The following PPL variants were observed in gnomAD, a reference collection of about 807,000 sequenced individuals.
The protein encoded by PPL is periplakin.
In PPL, 198 loss-of-function variants were observed where a neutral mutation model predicts 194.4. The observed-to-expected ratio is 1.02, with a 90% CI of 0.91 to 1.15. PPL has a LOEUF of 1.15. Among genes scored for constraint, PPL ranks in the 50% most tolerant of loss-of-function variants. The probability of loss-of-function intolerance (pLI) is 0.00; values close to 1 mark genes in which losing one functional copy is unlikely to be tolerated. For missense variants in PPL, 2,885 were observed against 2,294.8 expected, an observed-to-expected ratio of 1.26 and a Z score of -5.25; for synonymous variants, 1,220 against 972.4, an observed-to-expected ratio of 1.25 and a Z score of -4.74.
chr16:4,916,337 G>A (rs183838902), intron 1 of PPL, among the ~76,000 whole-genome samples: 5 of 151,830 alleles, frequency 3.3e-5, no homozygotes, highest in African/African-American at 4.8e-5. Context: ...TCAGCCTCCC[G>A]AGTAGCTAGG....
At chr16:4,892,594 T>C (rs1181962893) in intron 14 of PPL, among the ~76,000 whole-genome samples, 1 of 152,090 alleles carries the variant, frequency 6.6e-6, no homozygotes, top group East Asian at 1.9e-4. Flanking sequence ...AAGGGACTTG[T>C]GGGGTCAGGC....
intron 6 of PPL, among the ~76,000 whole-genome samples, chr16:4,899,799 T>C (rs2088519816): frequency 6.6e-6 from 1 of 152,174 alleles, no homozygotes; most frequent in Admixed American, 6.5e-5. Flanking sequence ...TCAACAAATA[T>C]CAGTAACTAT....
At chr16:4,927,394 A>G (rs2089173186) in intron 1 of PPL, among the ~76,000 whole-genome samples, 1 of 152,260 alleles carries the variant, frequency 6.6e-6, no homozygotes, top group African/African-American at 2.4e-5. Context: ...ACCCATGTCC[A>G]TGGAGATTTT....
At chr16:4,909,630 T>G (rs947368646) in intron 2 of PPL, among the ~76,000 whole-genome samples, 2 of 151,924 alleles carry the variant, frequency 1.3e-5, no homozygotes, top group African/African-American at 4.8e-5. Context: ...TTTCACCACA[T>G]TGGCCAGTCT....
At chr16:4,901,144 G>A (rs1419876360) in intron 4 of PPL, 55 bp from the exon 5 acceptor site, 11 of 1,595,132 alleles carry the variant, frequency 6.9e-6, no homozygotes, top group African/African-American at 2.7e-5. Context: ...GGCTGGGGAC[G>A]TGTGGCCACC....
chr16:4,882,556 A>C lies in PPL; in HGVS notation c.*828T>G, dbSNP rs1243579666. 6.6e-6 allele frequency: 1 copy of C among 152,238 alleles called. No individual in the cohort carries two copies. The highest frequency in any genetic ancestry group is 1.5e-5 in the Non-Finnish European group (1 of 68,042). 9.4% of individuals were successfully genotyped at this position (152,238 alleles called of 1,614,324 possible). On this transcript the variant is annotated 3_prime_UTR_variant, in exon 22 of 22. Coordinates refer to ENST00000345988, the MANE Select transcript of PPL (RefSeq NM_002705.5). Reference sequence around the variant, plus strand: ...CCAGGTTTATTTTCATGCTATAAATAAATTTCCCTATTAGTTCCCATTTTC... The same window carrying C: ...CCAGGTTTATTTTCATGCTATAAATCAATTTCCCTATTAGTTCCCATTTTC...
At chr16:4,905,747 G>C (rs777395704) in intron 2 of PPL, among the ~76,000 whole-genome samples, 9 of 152,176 alleles carry the variant, frequency 5.9e-5, no homozygotes, top group Non-Finnish European at 1.2e-4. Flanking sequence ...GGCTAAGTCT[G>C]GAAGGGCTGA....
chr16:4,899,143 G>A, intron 7 of PPL, 23 bp from the exon 8 acceptor site: 1 of 1,613,234 alleles, frequency 6.2e-7, no homozygotes, highest in South Asian at 1.1e-5. Flanking sequence ...GCAGTGGAGG[G>A]GCCTCAGTGC....
chr16:4,928,143 C>A (rs2089182958), intron 1 of PPL, among the ~76,000 whole-genome samples: 1 of 152,210 alleles, frequency 6.6e-6, no homozygotes, highest in Non-Finnish European at 1.5e-5. Context: ...AGAGCACCAG[C>A]CTCCTTTTTC....
intron 2 of PPL, 149 bp from the exon 3 acceptor site, chr16:4,904,189 T>A: frequency 1.2e-6 from 1 of 821,452 alleles, no homozygotes; most frequent in Non-Finnish European, 1.9e-6. Flanking sequence ...TGGAGCGCAG[T>A]CGGTAGTTCC....
At chr16:4,920,588 G>A (rs566724795) in intron 1 of PPL, among the ~76,000 whole-genome samples, 1 of 151,946 alleles carries the variant, frequency 6.6e-6, no homozygotes, top group Admixed American at 6.6e-5. Context: ...TCAGCCTCCC[G>A]AGTAGCTGGG....
At chr16:4,888,359 C>T (rs1596545049) in intron 19 of PPL, 141 bp from the exon 20 acceptor site, 1 of 623,290 alleles carries the variant, frequency 1.6e-6, no homozygotes, top group East Asian at 2.7e-5. Flanking sequence ...TTCCTCACAG[C>T]TGCACCCTGC....
At chr16:4,929,255 T>C (rs1348630750) in intron 1 of PPL, among the ~76,000 whole-genome samples, 1 of 152,080 alleles carries the variant, frequency 6.6e-6, no homozygotes, top group Non-Finnish European at 1.5e-5. Context: ...CTCTCCATTT[T>C]TGTCTCCCCA....
At chr16:4,918,523 C>G (rs4785977) in intron 1 of PPL, among the ~76,000 whole-genome samples, 126,792 of 152,084 alleles carry the variant, frequency 0.83, 54,665 homozygotes, top group East Asian at 0.99. Context: ...TAAGTAAGTA[C>G]CATTATTCTC....
chr16:4,890,479 G>A (rs1219472352), intron 17 of PPL, 145 bp from the exon 18 acceptor site: 10 of 1,163,132 alleles, frequency 8.6e-6, no homozygotes, highest in South Asian at 1.6e-5. Flanking sequence ...TGGTCATTAG[G>A]GAACGTCAGG....
At position 4,892,073 on chromosome 16, in the gene PPL, G is replaced by A. The variant is rs754559796; in HGVS notation, c.1791C>T (p.Tyr597=). 20 of 1,613,664 alleles carry A rather than the reference G, an allele frequency of 1.2e-5. No homozygotes were observed. The highest frequency in any genetic ancestry group is 2.2e-5 in the South Asian group (2 of 91,094). Reference sequence around the variant, plus strand: ...AGTCCAGCAGCTGCAGGAGGTGCTCGTATTTCCGGTTGGTGTCCTCCACCC... The same window carrying A: ...AGTCCAGCAGCTGCAGGAGGTGCTCATATTTCCGGTTGGTGTCCTCCACCC... ...RTRVEDTNRK[Y]EHLLQLLDLA... Residue 597 remains tyrosine (Y), a synonymous_variant, in exon 15 of 22, where the codon TAC becomes TAT. Transcript: ENST00000345988.
intron 8 of PPL, 112 bp downstream of exon 8, chr16:4,898,901 G>T: frequency 1.3e-6 from 1 of 773,446 alleles, no homozygotes; most frequent in Non-Finnish European, 2.2e-6. Context: ...GACACAAGAT[G>T]CAGCTTGCAG....
In PPL at chr16:4,883,755, C is replaced by T. The variant is rs753840909; in HGVS notation, c.4900G>A (p.Asp1634Asn). The change falls in exon 22 of 22, where the codon GAC (aspartate) becomes AAC (asparagine). Residue 1634 changes from aspartate to asparagine, a missense_variant. Physicochemically the swap from Asp to Asn is conservative, Grantham distance 23. Coordinates refer to ENST00000345988, the MANE Select transcript of PPL (RefSeq NM_002705.5). The surrounding 1 kb of genome is among the most constrained non-coding windows in gnomAD (Gnocchi z 4.8). ...GAGCCCAGGCGCTTCTGCAGCTCGTCGATCTCGAGGTCTTTGTCCTTGGAG... is the reference window on the plus strand; with the variant it reads ...GAGCCCAGGCGCTTCTGCAGCTCGTTGATCTCGAGGTCTTTGTCCTTGGAG... The part of the protein sequence containing the change: ...RLSKDKDLEI[D>N]ELQKRLGSVA... 1.4e-5 allele frequency: 23 copies of T among 1,613,924 alleles called. No individual in the cohort carries two copies. The highest frequency in any genetic ancestry group is 1.6e-4 in the Middle Eastern group (1 of 6,084).
chr16:4,893,509 C>T, intron 13 of PPL, 32 bp downstream of exon 13: 2 of 1,608,822 alleles, frequency 1.2e-6, no homozygotes, highest in Non-Finnish European at 1.7e-6. Flanking sequence ...CCGGTACCCC[C>T]AGAGCCTCAG....
Sources: gnomAD v4.1 joint callset for allele counts (sites outside exome capture counted in the v4.1 genomes callset) on GRCh38, gnomAD v4.1.1 for gene constraint, Gnocchi (gnomAD v3.1) non-coding constraint, MANE v1.5 for transcripts, NCBI Gene and HGNC (gene_info 2026-07-23, HGNC 2026-07-21) for gene names.